The following CHST11 variants were observed in gnomAD, a reference collection of about 807,000 sequenced individuals.
CHST11 encodes the protein C4S-1.
Under a neutral mutation model 30.4 loss-of-function variants are expected in CHST11, and 9 were observed. That is an observed-to-expected ratio of 0.30 (90% CI 0.18 to 0.52). The LOEUF (loss-of-function observed/expected upper bound fraction) is 0.52, where lower values mean the gene tolerates loss of function less well. CHST11 is among the 20% of genes least tolerant of loss of function. The pLI is 0.97. For synonymous variants in CHST11, 152 were observed against 187.8 expected (o/e 0.81, Z 1.56); for missense variants, 348 against 460.6 (o/e 0.76, Z 2.24).
At chr12:104,563,030 G>T (rs182171962) in intron 1 of CHST11, among the ~76,000 whole-genome samples, 3,669 of 150,956 alleles carry the variant, frequency 0.024, 47 homozygotes, top group Non-Finnish European at 0.029. Flanking sequence ...GGTTTTTTTT[G>T]TTGTTGTTGT....
At chr12:104,664,959 CA>C (rs1414998662) in intron 2 of CHST11, among the ~76,000 whole-genome samples, 1 of 152,176 alleles carries the variant, frequency 6.6e-6, no homozygotes, top group East Asian at 1.9e-4. Flanking sequence ...GGGTTAATTA[CA>C]GTAATGAATG....
Position 104,676,710 on chromosome 12 carries a change from C to T in CHST11, c.204+74719C>T, listed in dbSNP as rs2039746056. ...GAGCCACTGCACCCGGCCTCCCTGCCTCCTTTCCTAAGGAAGCTGCAGCTC... is the reference window on the plus strand; with the variant it reads ...GAGCCACTGCACCCGGCCTCCCTGCTTCCTTTCCTAAGGAAGCTGCAGCTC... On this transcript the variant is annotated intron_variant, in intron 2 of 2. Transcript: ENST00000303694. The surrounding 1 kb of genome is among the most constrained non-coding windows in gnomAD (Gnocchi z 4.4). 6.6e-6 allele frequency among the ~76,000 whole-genome samples: 1 copy of T among 152,216 alleles called. No homozygotes were observed. The highest frequency in any genetic ancestry group is 6.5e-5 in the Admixed American group (1 of 15,286).
chr12:104,700,404 T>G (rs1454279821), intron 2 of CHST11, among the ~76,000 whole-genome samples: 1 of 152,220 alleles, frequency 6.6e-6, no homozygotes, highest in Admixed American at 6.5e-5. Flanking sequence ...CACTGTAGGC[T>G]TAAATGGCTC....
intron 1 of CHST11, among the ~76,000 whole-genome samples, chr12:104,536,828 T>C (rs1379218412): frequency 6.6e-6 from 1 of 152,216 alleles, no homozygotes; most frequent in East Asian, 1.9e-4. Context: ...AGCCTCCCTG[T>C]CCAGTTCATC....
chr12:104,538,624 T>A (rs115882193), intron 1 of CHST11, among the ~76,000 whole-genome samples: 19 of 152,336 alleles, frequency 1.2e-4, no homozygotes, highest in African/African-American at 4.1e-4. Flanking sequence ...AAAATCCACT[T>A]CATTTCTTTC....
At chr12:104,605,875 C>T (rs906521448) in intron 2 of CHST11, among the ~76,000 whole-genome samples, 2 of 152,156 alleles carry the variant, frequency 1.3e-5, no homozygotes, top group Non-Finnish European at 2.9e-5. Flanking sequence ...GGCGAGACAG[C>T]TTGTCCTTCT....
intron 2 of CHST11, among the ~76,000 whole-genome samples, chr12:104,625,665 GA>G (rs2039207710): frequency 6.6e-6 from 1 of 152,096 alleles, no homozygotes; most frequent in Non-Finnish European, 1.5e-5. Context: ...CTGTTTTTCT[GA>G]AAAAAGCAAA....
intron 2 of CHST11, among the ~76,000 whole-genome samples, chr12:104,696,484 A>G (rs1209314823): frequency 1.8e-5 from 1 of 56,996 alleles, no homozygotes. Context: ...TAAAAATACA[A>G]AAAAAAAAAA....
intron 2 of CHST11, among the ~76,000 whole-genome samples, chr12:104,696,506 A>AAAAG (rs938608017): frequency 6.9e-6 from 1 of 145,864 alleles, no homozygotes; most frequent in Non-Finnish European, 1.5e-5. Flanking sequence ...AAAAAAAAAA[A>AAAAG]ACATAGCTGG....
intron 1 of CHST11, among the ~76,000 whole-genome samples, chr12:104,481,572 G>A (rs1005445304): frequency 7.9e-5 from 12 of 152,054 alleles, no homozygotes; most frequent in Non-Finnish European, 1.6e-4. Flanking sequence ...TGTAGGGAGC[G>A]GTCATGGATT....
intron 2 of CHST11, among the ~76,000 whole-genome samples, chr12:104,692,924 C>T (rs1357197238): frequency 6.7e-6 from 1 of 150,328 alleles, no homozygotes; most frequent in Non-Finnish European, 1.5e-5. Flanking sequence ...AAACCAGTCC[C>T]TGGTACCAGA....
At chr12:104,756,603 AG>A (rs922781004) in intron 2 of CHST11, among the ~76,000 whole-genome samples, 9 of 151,616 alleles carry the variant, frequency 5.9e-5, no homozygotes, top group Admixed American at 5.9e-4. Flanking sequence ...GCTAGAGCAC[AG>A]TGGCACAGTC....
intron 1 of CHST11, among the ~76,000 whole-genome samples, chr12:104,547,126 AGTAAG>A (rs2038358221): frequency 6.6e-6 from 1 of 152,210 alleles, no homozygotes; most frequent in Non-Finnish European, 1.5e-5. Context: ...GTGCAGTGCC[AGTAAG>A]GTTGGAATTT....
intron 1 of CHST11, among the ~76,000 whole-genome samples, chr12:104,504,204 C>G (rs917071828): frequency 6.6e-6 from 1 of 152,244 alleles, no homozygotes; most frequent in African/African-American, 2.4e-5. Flanking sequence ...TCTGGGCCCA[C>G]TTCAGTGCCT....
At chr12:104,718,756 C>G (rs1428835864) in intron 2 of CHST11, among the ~76,000 whole-genome samples, 1 of 152,176 alleles carries the variant, frequency 6.6e-6, no homozygotes, top group African/African-American at 2.4e-5. Flanking sequence ...CAGGCAGATG[C>G]AATGCTTGCG....
intron 2 of CHST11, among the ~76,000 whole-genome samples, chr12:104,620,017 G>A (rs559378315): frequency 1.3e-5 from 2 of 152,236 alleles, no homozygotes; most frequent in East Asian, 1.9e-4. Context: ...TGTCATTCCC[G>A]GTGAGCCTTC....
chr12:104,506,363 A>C (rs747778031), intron 1 of CHST11, among the ~76,000 whole-genome samples: 7 of 152,208 alleles, frequency 4.6e-5, no homozygotes, highest in Non-Finnish European at 1.0e-4. Flanking sequence ...CAGTTTCCTC[A>C]TATCTAAAAT....
intron 1 of CHST11, among the ~76,000 whole-genome samples, chr12:104,525,028 T>G (rs1430748147): frequency 6.6e-6 from 1 of 151,914 alleles, no homozygotes. Context: ...AGGGAAGAAA[T>G]GACAATCCAG....
chr12:104,662,646 C>T (rs2039607818), intron 2 of CHST11, among the ~76,000 whole-genome samples: 1 of 152,030 alleles, frequency 6.6e-6, no homozygotes, highest in African/African-American at 2.4e-5. Context: ...GTGTAATTCC[C>T]AGCTCACCAA....
Sources: allele counts gnomAD v4.1 joint callset (sites outside exome capture counted in the v4.1 genomes callset), GRCh38; gene constraint gnomAD v4.1.1; non-coding constraint Gnocchi (gnomAD v3.1); transcripts MANE v1.5; gene names NCBI Gene and HGNC (gene_info 2026-07-23, HGNC 2026-07-21).